SIMC1: variants seen among roughly 807,000 people sequenced by gnomAD.
The protein encoded by SIMC1 is SUMO interacting motifs containing 1.
Under a neutral mutation model 82.3 loss-of-function variants are expected in SIMC1, and 55 were observed. The ratio of observed to expected loss-of-function variants is 0.67; its 90% CI spans 0.54 to 0.84. The LOEUF (loss-of-function observed/expected upper bound fraction) is 0.84, where lower values mean the gene tolerates loss of function less well. SIMC1 is among the 40% of genes least tolerant of loss of function. SIMC1 has a pLI of 0.00. For missense variants in SIMC1, 915 were observed against 1,107.2 expected (o/e 0.83, Z 2.46); for synonymous variants, 353 against 426.3 (o/e 0.83, Z 2.12).
At chr5:176,297,275 C>A (rs1210094383) in intron 4 of SIMC1, among the ~76,000 whole-genome samples, 1 of 151,988 alleles carries the variant, frequency 6.6e-6, no homozygotes, top group African/African-American at 2.4e-5. Flanking sequence ...CCAAGGCGGG[C>A]AAATCACCTG....
intron 1 of SIMC1, among the ~76,000 whole-genome samples, chr5:176,287,412 A>G (rs531133926): frequency 6.6e-6 from 1 of 152,330 alleles, no homozygotes; most frequent in South Asian, 2.1e-4. Context: ...TCTCACTCAT[A>G]GGTGGGAATT....
chr5:176,313,812 T>A lies in SIMC1; in HGVS notation c.1856T>A (p.Val619Glu), dbSNP rs766334333. The A allele has an allele frequency of 1.2e-6, 2 of 1,613,694 alleles. No individual in the cohort carries two copies. ...CTGCAGCAATCCATTGCAAACATGG[T>A]GCTTTCCTGTGACAAGCAGCCCCAC... ...QHLQQSIANM[V>E]LSCDKQPHNV... Residue 619 changes from valine (V) to glutamate (E), a missense_variant, in exon 5 of 10, where the codon GTG becomes GAG. Around this residue, in one of 2 missense-constraint regions of SIMC1, gnomAD observed 902 missense variants for 1,040.3 expected, o/e 0.87. Coordinates refer to ENST00000429602, the MANE Select transcript of SIMC1 (RefSeq NM_001308195.2).
chr5:176,295,405 G>C, intron 3 of SIMC1, 143 bp downstream of exon 3: 5 of 1,400,248 alleles, frequency 3.6e-6, no homozygotes, highest in Non-Finnish European at 4.8e-6. Flanking sequence ...GCAAATGATA[G>C]GAAACCCAGT....
At chr5:176,269,658 T>C (rs1762341481) in intron 1 of SIMC1, among the ~76,000 whole-genome samples, 1 of 152,244 alleles carries the variant, frequency 6.6e-6, no homozygotes, top group Admixed American at 6.5e-5. Context: ...TTTCTCAAGT[T>C]ATTTTATTAA....
chr5:176,277,970 T>C (rs1270589973), intron 1 of SIMC1, among the ~76,000 whole-genome samples: 1 of 146,346 alleles, frequency 6.8e-6, no homozygotes, highest in Admixed American at 6.9e-5. Flanking sequence ...AAGTAGTTTT[T>C]TCCAATTCTG....
At chr5:176,274,924 G>T (rs1442816449) in intron 1 of SIMC1, among the ~76,000 whole-genome samples, 34 of 151,996 alleles carry the variant, frequency 2.2e-4, no homozygotes, top group South Asian at 4.1e-4. Flanking sequence ...GCCTCCAGCA[G>T]TGTTCTTTTG....
At chr5:176,246,231 C>T (rs1490212918) in intron 1 of SIMC1, among the ~76,000 whole-genome samples, 1 of 151,924 alleles carries the variant, frequency 6.6e-6, no homozygotes, top group Non-Finnish European at 1.5e-5. Context: ...AGGCTGGTCT[C>T]AAACTGCTGA....
intron 1 of SIMC1, among the ~76,000 whole-genome samples, chr5:176,252,545 G>A (rs547179530): frequency 2.6e-4 from 39 of 151,290 alleles, no homozygotes; most frequent in African/African-American, 7.3e-4. Flanking sequence ...GACGATGGGC[G>A]GCCGGGCAGA....
At chr5:176,330,128 T>C (rs1048459270) in intron 7 of SIMC1, among the ~76,000 whole-genome samples, 1 of 151,896 alleles carries the variant, frequency 6.6e-6, no homozygotes, top group Non-Finnish European at 1.5e-5. Flanking sequence ...GGGCCAGGTG[T>C]GGTGGCTCAC....
chr5:176,262,973 C>G (rs1202751095), intron 1 of SIMC1, among the ~76,000 whole-genome samples: 1 of 151,510 alleles, frequency 6.6e-6, no homozygotes, highest in Non-Finnish European at 1.5e-5. Flanking sequence ...ATACAAAACT[C>G]AGTTGCTTTC....
chr5:176,322,555 G>T lies in SIMC1; in HGVS notation c.2042+130G>T. 3 of 1,160,680 alleles carry T rather than the reference G, an allele frequency of 2.6e-6. No individual in the cohort carries two copies. In the South Asian group the frequency reaches 7.3e-5, roughly 28 times the overall value. 71.9% of individuals were successfully genotyped at this position (1,160,680 alleles called of 1,614,324 possible). ...AGAACATAGGCTGATGCTTATTCAA[G>T]ACTTAGTTTAACTAGAGGCTAAATT... On this transcript the variant is annotated intron_variant, in intron 6 of 9. Transcript: ENST00000429602.
intron 1 of SIMC1, among the ~76,000 whole-genome samples, chr5:176,281,628 G>C (rs1180284674): frequency 5.9e-5 from 9 of 152,152 alleles, no homozygotes; most frequent in Non-Finnish European, 1.2e-4. Context: ...CTTTCTGTTT[G>C]TTAGTTTTCC....
At chr5:176,245,996 A>G (rs1410071796) in intron 1 of SIMC1, among the ~76,000 whole-genome samples, 2 of 148,542 alleles carry the variant, frequency 1.3e-5, no homozygotes, top group South Asian at 4.2e-4. Flanking sequence ...GGCCTTCCCT[A>G]GCTCTATTTG....
intron 1 of SIMC1, among the ~76,000 whole-genome samples, chr5:176,244,369 T>A (rs1359370808): frequency 3.0e-5 from 4 of 134,494 alleles, no homozygotes; most frequent in Admixed American, 7.8e-5. Context: ...AGATGCCAAG[T>A]ATAACATTTG....
intron 4 of SIMC1, chr5:176,304,545 A>G (rs1581278883): frequency 6.7e-6 from 1 of 148,790 alleles, no homozygotes; most frequent in East Asian, 2.1e-4. Flanking sequence ...TACAACCTAC[A>G]CCTCCCAGCC....
intron 9 of SIMC1, among the ~76,000 whole-genome samples, chr5:176,337,555 C>T (rs1055759348): frequency 6.6e-6 from 1 of 152,188 alleles, no homozygotes; most frequent in African/African-American, 2.4e-5. Flanking sequence ...GATCATGCCA[C>T]TGCATTCCAG....
At chr5:176,286,095 A>G (rs1254941315) in intron 1 of SIMC1, among the ~76,000 whole-genome samples, 2 of 152,300 alleles carry the variant, frequency 1.3e-5, no homozygotes. Context: ...CATCTCCATG[A>G]AGCTACCAAT....
At chr5:176,284,899 A>G (rs1282683902) in intron 1 of SIMC1, among the ~76,000 whole-genome samples, 1 of 152,232 alleles carries the variant, frequency 6.6e-6, no homozygotes, top group Non-Finnish European at 1.5e-5. Context: ...AGACTAAAAC[A>G]GGAAGAAGTT....
chr5:176,281,991 G>A (rs1477290926), intron 1 of SIMC1, among the ~76,000 whole-genome samples: 3 of 152,220 alleles, frequency 2.0e-5, no homozygotes, highest in Non-Finnish European at 4.4e-5. Context: ...AGTCTGCAGA[G>A]GTTACTGCTG....
Sources: gnomAD v4.1 joint callset for allele counts (sites outside exome capture counted in the v4.1 genomes callset) on GRCh38, gnomAD v4.1.1 for gene constraint, gnomAD v4.1.1 regional missense constraint, MANE v1.5 for transcripts, NCBI Gene and HGNC (gene_info 2026-07-23, HGNC 2026-07-21) for gene names.